CALCRL: variants seen among roughly 807,000 people sequenced by gnomAD.
CALCRL encodes calcitonin receptor like receptor.
A neutral mutation model predicts 60.4 loss-of-function variants in CALCRL; 27 were observed. That is an observed-to-expected ratio of 0.45 (90% CI 0.33 to 0.62). CALCRL has a LOEUF of 0.62. CALCRL is among the 20% of genes least tolerant of loss of function. The probability of loss-of-function intolerance (pLI) is 0.03; values close to 1 mark genes in which losing one functional copy is unlikely to be tolerated. For synonymous variants in CALCRL, 190 were observed against 182.6 expected (o/e 1.04, Z -0.33); for missense variants, 424 against 540.7 (o/e 0.78, Z 2.14).
At chr2:187,406,040 G>A (rs2105835984) in intron 1 of CALCRL, among the ~76,000 whole-genome samples, 1 of 151,296 alleles carries the variant, frequency 6.6e-6, no homozygotes, top group East Asian at 2.0e-4. Flanking sequence ...AACCAATGTT[G>A]TGTCTGTTAA....
intron 1 of CALCRL, among the ~76,000 whole-genome samples, chr2:187,405,855 T>C (rs1689094445): frequency 6.6e-6 from 1 of 152,022 alleles, no homozygotes; most frequent in Non-Finnish European, 1.5e-5. Context: ...AGATACTTAG[T>C]ATGCAATAAC....
At chr2:187,373,745 T>C (rs1687628693) in intron 8 of CALCRL, among the ~76,000 whole-genome samples, 1 of 152,208 alleles carries the variant, frequency 6.6e-6, no homozygotes, top group Non-Finnish European at 1.5e-5. Context: ...ATGATGTAGA[T>C]ACTAATATGA....
In CALCRL at chr2:187,383,165, A is replaced by T. The variant is rs1688049420; in HGVS notation, c.184+8T>A. The T allele has an allele frequency of 1.2e-6, 2 of 1,607,630 alleles. No individual in the cohort carries two copies. The highest frequency in any genetic ancestry group is 1.7e-6 in the Non-Finnish European group (2 of 1,178,760). Reference sequence around the variant, plus strand: ...CAAATGCATTTACAACTAAGTAGCCATGCTTACCTTCTGCTTGTTGAATGG... The same window carrying T: ...CAAATGCATTTACAACTAAGTAGCCTTGCTTACCTTCTGCTTGTTGAATGG... On this transcript the variant is annotated splice_region_variant and intron_variant, in intron 5 of 14. Coordinates refer to ENST00000392370, the MANE Select transcript of CALCRL (RefSeq NM_005795.6).
chr2:187,374,886 A>G (rs1687680618), intron 8 of CALCRL, among the ~76,000 whole-genome samples: 1 of 152,134 alleles, frequency 6.6e-6, no homozygotes, highest in South Asian at 2.1e-4. Flanking sequence ...GGCTTATTTA[A>G]AGCAAAATCA....
At chr2:187,402,543 A>G (rs1052788138) in intron 1 of CALCRL, among the ~76,000 whole-genome samples, 47 of 151,594 alleles carry the variant, frequency 3.1e-4, no homozygotes, top group African/African-American at 1.1e-3. Context: ...ATGAGAGATG[A>G]GGCTTTCCAG....
intron 1 of CALCRL, chr2:187,442,099 TATATATAC>T (rs371849663): frequency 0.022 from 2,096 of 95,114 alleles, 44 homozygotes; most frequent in African/African-American, 0.081. Flanking sequence ...TATATATATA[TATATATAC>T]ATACACACAC....
intron 8 of CALCRL, among the ~76,000 whole-genome samples, chr2:187,375,145 G>A (rs1240527999): frequency 1.3e-5 from 2 of 151,432 alleles, no homozygotes; most frequent in South Asian, 2.1e-4. Context: ...GGTGGCGGGC[G>A]CCTGTAGTCC....
At chr2:187,418,343 AG>A (rs1689709519) in intron 1 of CALCRL, among the ~76,000 whole-genome samples, 1 of 152,234 alleles carries the variant, frequency 6.6e-6, no homozygotes, top group Non-Finnish European at 1.5e-5. Flanking sequence ...CGTTCTAAAA[AG>A]AATTGAGAAT....
intron 1 of CALCRL, among the ~76,000 whole-genome samples, chr2:187,403,754 A>G (rs961840447): frequency 6.6e-6 from 1 of 151,832 alleles, no homozygotes; most frequent in African/African-American, 2.4e-5. Flanking sequence ...TGGAAATGTG[A>G]CTTCAGTCAT....
intron 1 of CALCRL, among the ~76,000 whole-genome samples, chr2:187,421,691 T>C (rs1689877361): frequency 6.6e-6 from 1 of 152,208 alleles, no homozygotes; most frequent in African/African-American, 2.4e-5. Flanking sequence ...TGTGTTGCCA[T>C]CTGGGCCCTA....
chr2:187,404,425 T>A (rs1463080519), intron 1 of CALCRL, among the ~76,000 whole-genome samples: 1 of 151,760 alleles, frequency 6.6e-6, no homozygotes, highest in Non-Finnish European at 1.5e-5. Flanking sequence ...GAAAATAAAG[T>A]TTTTTATAAA....
At chr2:187,378,667 A>G (rs1417342612) in intron 8 of CALCRL, among the ~76,000 whole-genome samples, 3 of 152,126 alleles carry the variant, frequency 2.0e-5, no homozygotes, top group African/African-American at 7.2e-5. Flanking sequence ...CCCAAAGCAA[A>G]TACAGTTAGG....
intron 8 of CALCRL, among the ~76,000 whole-genome samples, chr2:187,365,626 T>C (rs1687244014): frequency 6.6e-6 from 1 of 152,158 alleles, no homozygotes; most frequent in Non-Finnish European, 1.5e-5. Flanking sequence ...GAAGGTTTGC[T>C]TAAACAGCAA....
chr2:187,370,286 T>A lies in CALCRL; in HGVS notation c.501-6784A>T, dbSNP rs773579471. ...TTCTCATATATGTCTGTGGGTATGA[T>A]CGAGAAAAATAAACTGTCTATAATA... On this transcript the variant is annotated intron_variant, in intron 8 of 14. Transcript: ENST00000392370. Among the ~76,000 whole-genome samples, 65 of 152,124 alleles carry A rather than the reference T, an allele frequency of 4.3e-4. 1 individual carries two copies. Among genetic ancestry groups the A allele is most frequent in the African/African-American group, 1.2e-3 (48 of 41,448 alleles).
chr2:187,437,936 C>T (rs907221486), intron 1 of CALCRL, among the ~76,000 whole-genome samples: 2 of 152,106 alleles, frequency 1.3e-5, no homozygotes, highest in African/African-American at 2.4e-5. Flanking sequence ...AACTTTGACA[C>T]ATTTTATATA....
intron 1 of CALCRL, among the ~76,000 whole-genome samples, chr2:187,439,732 T>A (rs911265979): frequency 6.6e-6 from 1 of 152,136 alleles, no homozygotes; most frequent in African/African-American, 2.4e-5. Context: ...ATATCTGGAA[T>A]AAGAACATTT....
In CALCRL at chr2:187,342,258, G is replaced by A. The variant is rs1686119427; in HGVS notation, c.*3926C>T. Among the ~76,000 whole-genome samples the A allele has an allele frequency of 6.6e-6, 1 of 151,726 alleles. No individual in the cohort carries two copies. The highest frequency in any genetic ancestry group is 1.5e-5 in the Non-Finnish European group (1 of 67,720). On this transcript the variant is annotated 3_prime_UTR_variant, in exon 15 of 15. Coordinates refer to ENST00000392370, the MANE Select transcript of CALCRL (RefSeq NM_005795.6). ...ATGAAAGTAGAGATAGAGGGATAGA[G>A]AAGTGATGGCTAAAGGATACACTGT...
rs538107215 is a variant in CALCRL at position 187,345,032 on chromosome 2, T to A, written c.*1152A>T. 2 of 152,256 alleles carry A rather than the reference T, an allele frequency of 1.3e-5. No homozygotes were observed. The highest frequency in any genetic ancestry group is 1.3e-4 in the Admixed American group (2 of 15,178). 9.4% of individuals were successfully genotyped at this position (152,256 alleles called of 1,614,324 possible). A position where few individuals can be genotyped will look rare whatever the true frequency, so the allele number is the denominator to read the frequency against. On this transcript the variant is annotated 3_prime_UTR_variant, in exon 15 of 15. Coordinates refer to ENST00000392370, the MANE Select transcript of CALCRL (RefSeq NM_005795.6). ...AAATAAATATATCTTATGATAGATGTTTCTGTTCTCTTAGTTCTCAAACAG... is the reference window on the plus strand; with the variant it reads ...AAATAAATATATCTTATGATAGATGATTCTGTTCTCTTAGTTCTCAAACAG...
At chr2:187,403,141 G>A (rs1688966345) in intron 1 of CALCRL, among the ~76,000 whole-genome samples, 2 of 151,778 alleles carry the variant, frequency 1.3e-5, no homozygotes, top group South Asian at 2.1e-4. Context: ...CCAAGTCTAT[G>A]GCAATTTGTT....
Sources: allele counts gnomAD v4.1 joint callset (sites outside exome capture counted in the v4.1 genomes callset), GRCh38; gene constraint gnomAD v4.1.1; transcripts MANE v1.5; gene names NCBI Gene and HGNC (gene_info 2026-07-23, HGNC 2026-07-21).